The following PLCB1 variants were observed in gnomAD, a reference collection of about 807,000 sequenced individuals.
The protein encoded by PLCB1 is phospholipase C beta 1, also known as 1-phosphatidylinositol 4,5-bisphosphate phosphodiesterase beta-1.
A neutral mutation model predicts 161.8 loss-of-function variants in PLCB1; 46 were observed. The ratio of observed to expected loss-of-function variants is 0.28; its 90% CI spans 0.22 to 0.36. The LOEUF is 0.36. Among genes scored for constraint, PLCB1 ranks in the 10% least tolerant of loss-of-function variants. The pLI is 1.00. For synonymous variants in PLCB1, 517 were observed against 503.7 expected (o/e 1.03, Z -0.35); for missense variants, 1,016 against 1,472.5 (o/e 0.69, Z 5.07).
rs553097975 is a variant in PLCB1 at position 8,514,347 on chromosome 20, G to C, written c.247-113947G>C. ...CCCAGCTACTCGGGAGGCTGAGGCA[G>C]TGGAATCACTTGAACCTGGGAGGCG... is the stretch of plus-strand genomic sequence containing the variant. On this transcript the variant is annotated intron_variant, in intron 3 of 31. Coordinates refer to ENST00000338037, the MANE Select transcript of PLCB1 (RefSeq NM_015192.4). 2.6e-5 allele frequency among the ~76,000 whole-genome samples: 4 copies of C among 151,712 alleles called. No individual in the cohort carries two copies. In the East Asian group the frequency reaches 7.8e-4, roughly 30 times the overall value.
intron 31 of PLCB1, among the ~76,000 whole-genome samples, chr20:8,857,908 A>C (rs1047955698): frequency 6.6e-6 from 1 of 151,758 alleles, no homozygotes; most frequent in Non-Finnish European, 1.5e-5. Context: ...TCTTTTGGTA[A>C]TTTTTTTCAA....
chr20:8,772,661 G>A lies in PLCB1; in HGVS notation c.2931-1878G>A, dbSNP rs543087929. ...ATATAAGATCATTCAGGCCGGGCGC[G>A]GTGGCTCATGCCTGTAATCCCAGCA... On this transcript the variant is annotated intron_variant, in intron 26 of 31. Transcript: ENST00000338037. 5.9e-5 allele frequency among the ~76,000 whole-genome samples: 9 copies of A among 152,270 alleles called. No individual in the cohort carries two copies. In the East Asian group the frequency reaches 7.7e-4, roughly 13 times the overall value.
At chr20:8,846,360 G>A (rs769075921) in intron 31 of PLCB1, among the ~76,000 whole-genome samples, 7 of 150,796 alleles carry the variant, frequency 4.6e-5, no homozygotes, top group Non-Finnish European at 8.8e-5. Context: ...GAGATTTGAG[G>A]GAGGACACAA....
At chr20:8,355,378 A>G (rs1236919196) in intron 2 of PLCB1, among the ~76,000 whole-genome samples, 3 of 152,176 alleles carry the variant, frequency 2.0e-5, no homozygotes, top group Admixed American at 6.5e-5. Flanking sequence ...TGTTTTTGAT[A>G]TAAGGTGATT....
At chr20:8,415,645 G>C (rs1277897661) in intron 3 of PLCB1, among the ~76,000 whole-genome samples, 2 of 152,332 alleles carry the variant, frequency 1.3e-5, no homozygotes, top group East Asian at 3.9e-4. Context: ...GAGAGGCTGG[G>C]CATGTAAGGG....
At chr20:8,571,637 A>G (rs1413006873) in intron 3 of PLCB1, among the ~76,000 whole-genome samples, 2 of 152,142 alleles carry the variant, frequency 1.3e-5, no homozygotes, top group East Asian at 3.9e-4. Flanking sequence ...GAGGAATGGA[A>G]GGCCTGATGT....
chr20:8,843,594 T>C (rs2146292967), intron 31 of PLCB1, among the ~76,000 whole-genome samples: 1 of 151,964 alleles, frequency 6.6e-6, no homozygotes, highest in East Asian at 2.0e-4. Flanking sequence ...GACTAACACA[T>C]GTGTTCATCA....
intron 3 of PLCB1, among the ~76,000 whole-genome samples, chr20:8,596,908 G>C (rs1424289633): frequency 6.6e-5 from 10 of 152,386 alleles, no homozygotes; most frequent in Admixed American, 3.3e-4. Context: ...CTGTTTGTCT[G>C]TTGTTGGTGT....
chr20:8,595,944 G>A (rs1457063010), intron 3 of PLCB1, among the ~76,000 whole-genome samples: 2 of 115,334 alleles, frequency 1.7e-5, no homozygotes, highest in African/African-American at 6.1e-5. Flanking sequence ...TTTTTGATGG[G>A]GTTGTTTGTT....
At chr20:8,676,380 G>GAAGAAAGAGAGACAAAGAAAGAAAGA (rs1990074286) in intron 9 of PLCB1, among the ~76,000 whole-genome samples, 5 of 149,752 alleles carry the variant, frequency 3.3e-5, no homozygotes, top group Admixed American at 2.7e-4. Flanking sequence ...GAAAAAGAAA[G>GAAGAAAGAGAGACAAAGAAAGAAAGA]AAGAAAGAGA....
chr20:8,615,150 C>T (rs1213527619), intron 3 of PLCB1, among the ~76,000 whole-genome samples: 1 of 152,050 alleles, frequency 6.6e-6, no homozygotes, highest in East Asian at 1.9e-4. Flanking sequence ...AGCATTGTAT[C>T]TTATTCTTTA....
intron 2 of PLCB1, among the ~76,000 whole-genome samples, chr20:8,360,296 A>T (rs949487867): frequency 6.6e-6 from 1 of 152,180 alleles, no homozygotes; most frequent in African/African-American, 2.4e-5. Context: ...ACTTGTTTGG[A>T]ATAAAGCTGA....
chr20:8,340,562 A>G (rs1265224097), intron 2 of PLCB1, among the ~76,000 whole-genome samples: 2 of 151,900 alleles, frequency 1.3e-5, no homozygotes, highest in African/African-American at 4.8e-5. Flanking sequence ...AGCTGGGACT[A>G]CAGGCGCCCG....
At chr20:8,790,344 TA>T (rs1983693788) in intron 31 of PLCB1, 83 bp downstream of exon 31, 1 of 984,172 alleles carries the variant, frequency 1.0e-6, no homozygotes, top group Non-Finnish European at 1.6e-6. Context: ...TTTACATAAG[TA>T]CCTTGTACAC....
intron 2 of PLCB1, among the ~76,000 whole-genome samples, chr20:8,231,589 A>T (rs1177049187): frequency 6.6e-6 from 1 of 152,212 alleles, no homozygotes; most frequent in Non-Finnish European, 1.5e-5. Flanking sequence ...ATCTGTTGTC[A>T]GCAGGTGTTT....
intron 9 of PLCB1, among the ~76,000 whole-genome samples, chr20:8,668,876 G>T (rs905184383): frequency 5.9e-5 from 9 of 152,182 alleles, no homozygotes; most frequent in Admixed American, 2.0e-4. Context: ...TCACTTTGCA[G>T]CTTTAACAAG....
chr20:8,879,165 T>C (rs1443943381), intron 31 of PLCB1, among the ~76,000 whole-genome samples: 1 of 152,154 alleles, frequency 6.6e-6, no homozygotes, highest in Non-Finnish European at 1.5e-5. Context: ...TGCCTACTAT[T>C]CCACATTATA....
intron 2 of PLCB1, among the ~76,000 whole-genome samples, chr20:8,313,897 A>C (rs1984521910): frequency 6.6e-6 from 1 of 152,156 alleles, no homozygotes; most frequent in South Asian, 2.1e-4. Flanking sequence ...ATATTACTTT[A>C]TAGTCATGAT....
At chr20:8,294,204 A>G (rs1055848244) in intron 2 of PLCB1, among the ~76,000 whole-genome samples, 7 of 152,156 alleles carry the variant, frequency 4.6e-5, no homozygotes, top group Non-Finnish European at 7.4e-5. Context: ...CAGTTTACAA[A>G]AAATGATATT....
Sources: allele counts gnomAD v4.1 joint callset (sites outside exome capture counted in the v4.1 genomes callset), GRCh38; gene constraint gnomAD v4.1.1; transcripts MANE v1.5; gene names NCBI Gene and HGNC (gene_info 2026-07-23, HGNC 2026-07-21).